Variants in DTNA observed in about 807,000 individuals in gnomAD.
DTNA encodes dystrophin-related protein 3.
In DTNA, 43 loss-of-function variants were observed where a neutral mutation model predicts 100.7. The ratio of observed to expected loss-of-function variants is 0.43; its 90% CI spans 0.33 to 0.55. DTNA has a LOEUF of 0.55. DTNA is among the 20% of genes least tolerant of loss of function. The probability of loss-of-function intolerance (pLI) is 0.04; values close to 1 mark genes in which losing one functional copy is unlikely to be tolerated. For missense variants in DTNA, 798 were observed against 953.9 expected (o/e 0.84, Z 2.15); for synonymous variants, 349 against 347.9 (o/e 1.00, Z -0.04).
chr18:34,749,000 C>T (rs1169028493), intron 1 of DTNA, among the ~76,000 whole-genome samples: 1 of 152,002 alleles, frequency 6.6e-6, no homozygotes, highest in Non-Finnish European at 1.5e-5. Context: ...TTATAGTTTT[C>T]CTTGTAGGTA....
chr18:34,537,441 AATTGT>A (rs766510086), intron 1 of DTNA, among the ~76,000 whole-genome samples: 30 of 152,132 alleles, frequency 2.0e-4, no homozygotes, highest in East Asian at 5.8e-4. Context: ...TAATTAAGGA[AATTGT>A]ATTGTATTAA....
chr18:34,890,175 A>C lies in DTNA; in HGVS notation c.*2441A>C. 6.9e-7 allele frequency: 1 copy of C among 1,442,262 alleles called. No homozygotes were observed. The highest frequency in any genetic ancestry group is 2.5e-5 in the East Asian group (1 of 40,196). 89.3% of individuals were successfully genotyped at this position (1,442,262 alleles called of 1,614,324 possible). ...GATAACCTTCCCCGTTGTCATAGCT[A>C]TTTCATTGCCAACCAACTCCATCAC... On this transcript the variant is annotated 3_prime_UTR_variant, in exon 23 of 23. Transcript: ENST00000444659.
chr18:34,840,348 C>T (rs2096245438), intron 13 of DTNA, among the ~76,000 whole-genome samples: 1 of 152,102 alleles, frequency 6.6e-6, no homozygotes, highest in African/African-American at 2.4e-5. Context: ...TCCAGTGTTA[C>T]ATGGTAGCTG....
intron 7 of DTNA, 168 bp from the exon 8 acceptor site, chr18:34,817,996 G>T (rs2095633519): frequency 6.6e-7 from 1 of 1,515,542 alleles, no homozygotes. Flanking sequence ...GATTGAAAAG[G>T]GTTGTAAGAT....
At chr18:34,700,886 A>C (rs984161524) in intron 1 of DTNA, among the ~76,000 whole-genome samples, 3 of 152,212 alleles carry the variant, frequency 2.0e-5, no homozygotes, top group Non-Finnish European at 4.4e-5. Context: ...CCTCTTCCTT[A>C]GGTTTCCAAA....
Position 34,888,248 on chromosome 18 carries a change from G to A in DTNA, c.*514G>A, listed in dbSNP as rs886425927. 3.9e-5 allele frequency: 38 copies of A among 985,704 alleles called. No individual in the cohort carries two copies. The highest frequency in any genetic ancestry group is 4.6e-5 in the Non-Finnish European group (38 of 829,926). The allele number at this position is 985,704 out of a possible 1,614,324, so 61.1% of individuals were successfully genotyped here. A position where few individuals can be genotyped will look rare whatever the true frequency, so the allele number is the denominator to read the frequency against. On this transcript the variant is annotated 3_prime_UTR_variant, in exon 23 of 23. Coordinates refer to ENST00000444659, the MANE Select transcript of DTNA (RefSeq NM_001386795.1). ...AATTCTTTGAGATTTTAGCAAAACA[G>A]TTTATTATACACTGTACATTTTTTT... is the stretch of plus-strand genomic sequence containing the variant.
intron 5 of DTNA, among the ~76,000 whole-genome samples, chr18:34,807,590 A>T (rs1233717159): frequency 6.6e-6 from 1 of 152,102 alleles, no homozygotes; most frequent in African/African-American, 2.4e-5. Context: ...TCCAGGGATG[A>T]GTCATTCCAG....
At chr18:34,651,376 A>C (rs1313120018) in intron 1 of DTNA, among the ~76,000 whole-genome samples, 2 of 124,860 alleles carry the variant, frequency 1.6e-5, no homozygotes, top group African/African-American at 7.2e-5. Context: ...AAATGCTAAT[A>C]GTCATTACTA....
Position 34,661,708 on chromosome 18 carries a change from T to G in DTNA, c.-1-94268T>G, listed in dbSNP as rs150199437. Among the ~76,000 whole-genome samples the G allele has an allele frequency of 4.6e-3, 698 of 152,236 alleles. 6 individuals are homozygous for G. Among genetic ancestry groups the G allele is most frequent in the African/African-American group, 0.016 (650 of 41,546 alleles). ...AGAGGGAGATAAAGGCGCCTCTCCA[T>G]CCACTGTTCCCACCCTCTTTGCCCC... On this transcript the variant is annotated intron_variant, in intron 1 of 19. Transcript: ENST00000283365.
intron 3 of DTNA, among the ~76,000 whole-genome samples, chr18:34,768,384 G>C (rs1223245934): frequency 6.6e-6 from 1 of 152,102 alleles, no homozygotes; most frequent in Non-Finnish European, 1.5e-5. Flanking sequence ...AAGGGCTCAG[G>C]GAATCAGGGA....
intron 1 of DTNA, among the ~76,000 whole-genome samples, chr18:34,542,616 G>A (rs2044354197): frequency 6.6e-6 from 1 of 151,838 alleles, no homozygotes; most frequent in South Asian, 2.1e-4. Context: ...ATTCATTCAA[G>A]TTACTGAAGA....
chr18:34,769,560 G>T lies in DTNA; in HGVS notation c.148+3519G>T, dbSNP rs541474572. Among the ~76,000 whole-genome samples, 7 of 151,690 alleles carry T rather than the reference G, an allele frequency of 4.6e-5. No homozygotes were observed. The South Asian group carries it at 1.5e-3, about 32-fold the overall frequency. ...GCTCTAACAAAAATACCATAAACTG[G>T]GTGGCTTATAAACAACATTTATTTC... On this transcript the variant is annotated intron_variant, in intron 3 of 22. Coordinates refer to ENST00000444659, the MANE Select transcript of DTNA (RefSeq NM_001386795.1).
chr18:34,571,424 G>T (rs1568678763), intron 1 of DTNA, among the ~76,000 whole-genome samples: 1 of 152,054 alleles, frequency 6.6e-6, no homozygotes, highest in Non-Finnish European at 1.5e-5. Context: ...GTTTATGAAT[G>T]GCGCACCCTA....
At chr18:34,765,081 G>A (rs1251748891) in intron 2 of DTNA, among the ~76,000 whole-genome samples, 1 of 152,172 alleles carries the variant, frequency 6.6e-6, no homozygotes, top group African/African-American at 2.4e-5. Flanking sequence ...GTAGAAAGTG[G>A]TGGGCAATGT....
At chr18:34,497,528 A>G (rs2039384117) in intron 1 of DTNA, among the ~76,000 whole-genome samples, 1 of 152,230 alleles carries the variant, frequency 6.6e-6, no homozygotes, top group South Asian at 2.1e-4. Context: ...CCACTGTCAC[A>G]TAGTTTGAGA....
intron 1 of DTNA, among the ~76,000 whole-genome samples, chr18:34,535,840 A>T (rs1236545033): frequency 6.6e-6 from 1 of 151,998 alleles, no homozygotes; most frequent in Non-Finnish European, 1.5e-5. Flanking sequence ...CCCCTTAAAT[A>T]CCAGAATTCA....
intron 15 of DTNA, among the ~76,000 whole-genome samples, chr18:34,856,262 G>T (rs932995507): frequency 3.9e-5 from 6 of 152,140 alleles, no homozygotes; most frequent in Non-Finnish European, 8.8e-5. Context: ...AGGGCCAAAA[G>T]CTCCTTTAGG....
chr18:34,568,102 G>A (rs1270128718), intron 1 of DTNA, among the ~76,000 whole-genome samples: 1 of 152,048 alleles, frequency 6.6e-6, no homozygotes, highest in Non-Finnish European at 1.5e-5. Flanking sequence ...GACATATTCA[G>A]TATGAATCTG....
At chr18:34,683,775 C>T (rs1220775749) in intron 1 of DTNA, 1 of 152,026 alleles carries the variant, frequency 6.6e-6, no homozygotes. Context: ...TTTGATACAG[C>T]TCTAAAAATT....
Sources: gnomAD v4.1 joint callset for allele counts (sites outside exome capture counted in the v4.1 genomes callset) on GRCh38, gnomAD v4.1.1 for gene constraint, MANE v1.5 for transcripts, NCBI Gene and HGNC (gene_info 2026-07-23, HGNC 2026-07-21) for gene names.